Variants in GRM8 observed in about 807,000 individuals in gnomAD.
GRM8 encodes metabotropic glutamate receptor 8.
A neutral mutation model predicts 87.2 loss-of-function variants in GRM8; 47 were observed. The observed-to-expected ratio is 0.54, with a 90% CI of 0.43 to 0.69. GRM8 has a LOEUF of 0.69. GRM8 is among the 30% of genes least tolerant of loss of function. GRM8 has a pLI of 0.00. For missense variants in GRM8, 1,019 were observed against 1,139.2 expected, an observed-to-expected ratio of 0.89 and a Z score of 1.52; for synonymous variants, 396 against 404.5, an observed-to-expected ratio of 0.98 and a Z score of 0.25.
At chr7:126,445,152 A>G (rs931976973) in intron 10 of GRM8, 4 of 152,072 alleles carry the variant, frequency 2.6e-5, no homozygotes, top group African/African-American at 9.7e-5. Context: ...GCAACAGAGC[A>G]AGCTCCTGTT....
intron 3 of GRM8, among the ~76,000 whole-genome samples, chr7:126,912,635 G>A (rs922711449): frequency 7.2e-5 from 11 of 152,312 alleles, no homozygotes; most frequent in African/African-American, 2.6e-4. Flanking sequence ...TGTAGCCAGG[G>A]CATTCCCTCA....
intron 9 of GRM8, among the ~76,000 whole-genome samples, chr7:126,526,170 G>A (rs1047829596): frequency 6.6e-6 from 1 of 152,132 alleles, no homozygotes; most frequent in African/African-American, 2.4e-5. Flanking sequence ...CATAAAAAGT[G>A]TCTTACAAAA....
intron 3 of GRM8, among the ~76,000 whole-genome samples, chr7:127,057,809 C>CAA (rs199901156): frequency 0.081 from 11,424 of 141,358 alleles, 464 homozygotes; most frequent in South Asian, 0.13. Flanking sequence ...TCATATCCCA[C>CAA]AAAAAAAAAA....
intron 9 of GRM8, among the ~76,000 whole-genome samples, chr7:126,446,731 G>A (rs1347498356): frequency 1.3e-5 from 2 of 151,974 alleles, no homozygotes; most frequent in Non-Finnish European, 2.9e-5. Context: ...GAAGGTACTA[G>A]TGGGCCAAGT....
At chr7:126,456,853 A>G (rs1162057490) in intron 9 of GRM8, among the ~76,000 whole-genome samples, 1 of 151,494 alleles carries the variant, frequency 6.6e-6, no homozygotes, top group Non-Finnish European at 1.5e-5. Flanking sequence ...AAAATGTACA[A>G]TGTCAGTTAT....
intron 6 of GRM8, among the ~76,000 whole-genome samples, chr7:126,771,644 T>C (rs1421323912): frequency 1.3e-5 from 2 of 152,132 alleles, no homozygotes; most frequent in African/African-American, 4.8e-5. Flanking sequence ...GAAGTTAGCT[T>C]TTTGGAAAAT....
intron 3 of GRM8, among the ~76,000 whole-genome samples, chr7:127,021,345 T>G (rs1816244093): frequency 6.6e-6 from 1 of 151,842 alleles, no homozygotes; most frequent in Non-Finnish European, 1.5e-5. Flanking sequence ...GAGGGAAATT[T>G]TTTTTAAAGA....
At chr7:127,061,921 G>C (rs1820632581) in intron 3 of GRM8, among the ~76,000 whole-genome samples, 1 of 152,134 alleles carries the variant, frequency 6.6e-6, no homozygotes, top group Non-Finnish European at 1.5e-5. Context: ...GTTAAAGTTG[G>C]TGAATCTCAA....
At chr7:126,819,502 T>C (rs1794108125) in intron 6 of GRM8, among the ~76,000 whole-genome samples, 1 of 152,200 alleles carries the variant, frequency 6.6e-6, no homozygotes, top group African/African-American at 2.4e-5. Context: ...GTCTTCATCA[T>C]ATTAATCTCT....
intron 6 of GRM8, among the ~76,000 whole-genome samples, chr7:126,802,268 C>A (rs890005841): frequency 2.0e-5 from 3 of 152,080 alleles, no homozygotes; most frequent in African/African-American, 7.2e-5. Context: ...GGGTGATGTA[C>A]TATAGATGTT....
intron 7 of GRM8, among the ~76,000 whole-genome samples, chr7:126,650,871 G>C (rs1343607176): frequency 6.6e-6 from 1 of 152,030 alleles, no homozygotes; most frequent in African/African-American, 2.4e-5. Flanking sequence ...AGGGATGGAG[G>C]TTACGCATGG....
intron 6 of GRM8, among the ~76,000 whole-genome samples, chr7:126,899,027 A>G (rs1367184039): frequency 1.3e-5 from 2 of 151,778 alleles, no homozygotes; most frequent in Non-Finnish European, 1.5e-5. Flanking sequence ...TAAAAAAAAA[A>G]AAAGAAAGAA....
intron 3 of GRM8, among the ~76,000 whole-genome samples, chr7:126,925,398 T>C (rs1009954731): frequency 6.6e-6 from 1 of 152,194 alleles, no homozygotes; most frequent in Non-Finnish European, 1.5e-5. Context: ...TTGGGAAGGA[T>C]AATAACAAGC....
At chr7:127,122,190 T>C (rs11563302) in intron 2 of GRM8, among the ~76,000 whole-genome samples, 16,853 of 152,182 alleles carry the variant, frequency 0.11, 1,068 homozygotes, top group African/African-American at 0.16. Context: ...GATTAACTGC[T>C]TACTAGCGAC....
intron 2 of GRM8, among the ~76,000 whole-genome samples, chr7:127,205,756 A>ACTTTC (rs1795875612): frequency 6.6e-6 from 1 of 152,092 alleles, no homozygotes; most frequent in African/African-American, 2.4e-5. Flanking sequence ...TTGTGCCCAA[A>ACTTTC]CTTTCACATG....
chr7:126,775,025 G>A (rs2299516), intron 6 of GRM8, among the ~76,000 whole-genome samples: 1 of 151,870 alleles, frequency 6.6e-6, no homozygotes. Context: ...CTTAATTCTG[G>A]GGAAATCAAA....
chr7:126,787,876 T>C (rs1820789937), intron 6 of GRM8, among the ~76,000 whole-genome samples: 1 of 152,178 alleles, frequency 6.6e-6, no homozygotes, highest in African/African-American at 2.4e-5. Flanking sequence ...TTTAGTTAAT[T>C]TCACTAATAT....
chr7:126,621,625 G>T (rs972274159), intron 7 of GRM8, among the ~76,000 whole-genome samples: 6 of 151,830 alleles, frequency 4.0e-5, no homozygotes, highest in Non-Finnish European at 7.4e-5. Context: ...CACCATGTTG[G>T]CAAGGCTGGT....
chr7:126,780,606 G>A (rs1219920617), intron 6 of GRM8, among the ~76,000 whole-genome samples: 1 of 152,124 alleles, frequency 6.6e-6, no homozygotes, highest in Non-Finnish European at 1.5e-5. Context: ...GGAAGTAGAG[G>A]GGAGCACAGG....
Sources: gnomAD v4.1 joint callset for allele counts (sites outside exome capture counted in the v4.1 genomes callset) on GRCh38, gnomAD v4.1.1 for gene constraint, MANE v1.5 for transcripts, NCBI Gene and HGNC (gene_info 2026-07-23, HGNC 2026-07-21) for gene names.